The following RBFOX1 variants were observed in gnomAD, a reference collection of about 807,000 sequenced individuals.
RBFOX1 encodes the protein RNA binding fox-1 homolog 1.
Under a neutral mutation model 57.7 loss-of-function variants are expected in RBFOX1, and 8 were observed. That is an observed-to-expected ratio of 0.14 (90% CI 0.08 to 0.25). RBFOX1 has a LOEUF of 0.25. Among genes scored for constraint, RBFOX1 ranks in the 10% least tolerant of loss-of-function variants. The pLI, the probability that RBFOX1 is intolerant of heterozygous loss-of-function variation, is 1.00. For missense variants in RBFOX1, 611 were observed against 548.5 expected (o/e 1.11, Z -1.14); for synonymous variants, 326 against 222.4 (o/e 1.47, Z -4.15).
At chr16:5,628,397 C>G (rs1277602052) in intron 3 of RBFOX1, among the ~76,000 whole-genome samples, 1 of 152,058 alleles carries the variant, frequency 6.6e-6, no homozygotes, top group Non-Finnish European at 1.5e-5. Flanking sequence ...CCATTGAAAG[C>G]TCAGTCAAAA....
At chr16:7,138,822 T>G (rs550718493) in intron 4 of RBFOX1, among the ~76,000 whole-genome samples, 2 of 152,258 alleles carry the variant, frequency 1.3e-5, no homozygotes, top group Admixed American at 1.3e-4. Flanking sequence ...TCAGACTTTT[T>G]TTATAAGATG....
Position 5,764,499 on chromosome 16 carries a change from G to A in RBFOX1, c.319-102804G>A, listed in dbSNP as rs1169627842. Among the ~76,000 whole-genome samples the A allele has an allele frequency of 2.6e-5, 4 of 152,140 alleles. No homozygotes were observed. In the East Asian group the frequency reaches 7.7e-4, roughly 29 times the overall value. The stretch of plus-strand genomic sequence containing the variant: ...CTTTATAAATTACCCAGGCTCAGGT[G>A]TTTCTTTACAGCAATGCAAGAATGG... On this transcript the variant is annotated intron_variant, in intron 3 of 19. Coordinates refer to the RBFOX1 transcript ENST00000641259.
chr16:7,383,294 C>A (rs891243011), intron 4 of RBFOX1, among the ~76,000 whole-genome samples: 1 of 149,900 alleles, frequency 6.7e-6, no homozygotes. Flanking sequence ...TAAAATGCAA[C>A]AACACTAGGC....
chr16:6,174,757 C>T (rs1187394384), intron 1 of RBFOX1, among the ~76,000 whole-genome samples: 1 of 152,210 alleles, frequency 6.6e-6, no homozygotes, highest in East Asian at 1.9e-4. Flanking sequence ...TGGTGAACTT[C>T]AGTGCATATG....
At chr16:6,258,333 C>T (rs1203471321) in intron 1 of RBFOX1, among the ~76,000 whole-genome samples, 3 of 152,192 alleles carry the variant, frequency 2.0e-5, no homozygotes, top group Non-Finnish European at 2.9e-5. Flanking sequence ...CACTGTCATT[C>T]ACCTTGACCC....
At chr16:6,866,581 C>A (rs11645105) in intron 3 of RBFOX1, among the ~76,000 whole-genome samples, 2 of 121,996 alleles carry the variant, frequency 1.6e-5, no homozygotes, top group African/African-American at 6.8e-5. Flanking sequence ...TCGCTCTGTC[C>A]CCCAGGCTGG....
At chr16:5,788,845 C>G (rs546278256) in intron 3 of RBFOX1, among the ~76,000 whole-genome samples, 1 of 152,172 alleles carries the variant, frequency 6.6e-6, no homozygotes, top group African/African-American at 2.4e-5. Context: ...AGTTAAAAAT[C>G]TAAGAGGCCC....
rs534375249 is a variant in RBFOX1, at chr16:6,407,216, C to A, written c.-64+90159C>A. ...ATACATCTATAACTATATTTATATACCTACATCCTTATCTGTATCTGTACC... is the reference window on the plus strand; with the variant it reads ...ATACATCTATAACTATATTTATATAACTACATCCTTATCTGTATCTGTACC... On this transcript the variant is annotated intron_variant, in intron 2 of 15. Transcript: ENST00000550418. Among the ~76,000 whole-genome samples, 11 of 152,066 alleles carry A rather than the reference C, an allele frequency of 7.2e-5. No homozygotes were observed. The South Asian group carries it at 1.5e-3, about 20-fold the overall frequency.
At chr16:6,250,410 C>T (rs186532697) in intron 1 of RBFOX1, among the ~76,000 whole-genome samples, 25 of 152,164 alleles carry the variant, frequency 1.6e-4, no homozygotes, top group East Asian at 7.7e-4. Context: ...GTTTGTGATG[C>T]GGAGGTGGGA....
At position 6,276,818 on chromosome 16, in the gene RBFOX1, CTT is replaced by C. The variant is rs60771173; in HGVS notation, c.-126-40166_-126-40165del. On this transcript the variant is annotated intron_variant, in intron 1 of 15. Coordinates refer to ENST00000550418, the MANE Select transcript of RBFOX1 (RefSeq NM_018723.4). ...AGTCTGTAATTATTTCTTTTCTTTG[CTT>C]TTTTTTTTTTATTAACTATGCTCCT... Among the ~76,000 whole-genome samples, 146 of 147,798 alleles carry C rather than the reference CTT, an allele frequency of 9.9e-4. No individual in the cohort carries two copies. The East Asian group carries it at 0.013, about 13-fold the overall frequency.
At chr16:5,385,683 T>A (rs1173676382) in intron 1 of RBFOX1, among the ~76,000 whole-genome samples, 1 of 152,204 alleles carries the variant, frequency 6.6e-6, no homozygotes, top group East Asian at 1.9e-4. Context: ...AAGTTTCAGC[T>A]TCTCCCTGAA....
At chr16:7,658,653 G>T (rs1428120334) in intron 12 of RBFOX1, among the ~76,000 whole-genome samples, 2 of 152,128 alleles carry the variant, frequency 1.3e-5, no homozygotes, top group Non-Finnish European at 2.9e-5. Context: ...CTCCCTCAAA[G>T]AGGAACTCGA....
chr16:5,751,997 A>G, intron 3 of RBFOX1, among the ~76,000 whole-genome samples: 1 of 152,228 alleles, frequency 6.6e-6, no homozygotes, highest in East Asian at 1.9e-4. Context: ...TACACTATTC[A>G]CAATAGCAAA....
At chr16:6,509,267 C>T (rs1004069558) in intron 2 of RBFOX1, among the ~76,000 whole-genome samples, 1 of 152,032 alleles carries the variant, frequency 6.6e-6, no homozygotes, top group Non-Finnish European at 1.5e-5. Context: ...TATTTGAGCT[C>T]CTTATATATT....
At chr16:6,296,439 G>A (rs1242416260) in intron 1 of RBFOX1, among the ~76,000 whole-genome samples, 7 of 105,440 alleles carry the variant, frequency 6.6e-5, no homozygotes, top group Non-Finnish European at 1.2e-4. Context: ...TTTTTTTTTC[G>A]AGGTGGAGTC....
At chr16:7,036,641 C>G (rs559819573) in intron 3 of RBFOX1, among the ~76,000 whole-genome samples, 1 of 151,384 alleles carries the variant, frequency 6.6e-6, no homozygotes, top group Non-Finnish European at 1.5e-5. Flanking sequence ...TGCAGTGAAC[C>G]GAAATCGTGC....
At chr16:5,593,521 G>A (rs978667506) in intron 2 of RBFOX1, among the ~76,000 whole-genome samples, 1 of 152,240 alleles carries the variant, frequency 6.6e-6, no homozygotes, top group South Asian at 2.1e-4. Flanking sequence ...TGATAAAACA[G>A]TTTGCAGTGG....
At chr16:5,780,971 T>G (rs1031846383) in intron 3 of RBFOX1, among the ~76,000 whole-genome samples, 5 of 152,220 alleles carry the variant, frequency 3.3e-5, no homozygotes, top group African/African-American at 1.2e-4. Context: ...AGAACACCCT[T>G]GCGGGGTCCC....
At chr16:6,210,236 TGC>T (rs999933498) in intron 1 of RBFOX1, among the ~76,000 whole-genome samples, 1 of 149,136 alleles carries the variant, frequency 6.7e-6, no homozygotes, top group African/African-American at 2.5e-5. Flanking sequence ...GAGAATCAAC[TGC>T]ACCCAGGAGG....
Sources: gnomAD v4.1 joint callset for allele counts (sites outside exome capture counted in the v4.1 genomes callset) on GRCh38, gnomAD v4.1.1 for gene constraint, MANE v1.5 for transcripts, NCBI Gene and HGNC (gene_info 2026-07-23, HGNC 2026-07-21) for gene names.